Variants in PLK5 observed in about 807,000 individuals in gnomAD.
PLK5 encodes inactive serine/threonine-protein kinase PLK5.
Under a neutral mutation model 33.7 loss-of-function variants are expected in PLK5, and 28 were observed. The observed-to-expected ratio is 0.83, with a 90% CI of 0.62 to 1.14. PLK5 has a LOEUF of 1.14. Ranked by LOEUF, PLK5 falls within the 50% of genes most tolerant of loss-of-function variation. The pLI is 0.00. For synonymous variants in PLK5, 225 were observed against 202.2 expected, an observed-to-expected ratio of 1.11 and a Z score of -0.96; for missense variants, 492 against 461.5, an observed-to-expected ratio of 1.07 and a Z score of -0.61.
At position 1,529,815 on chromosome 19, in the gene PLK5, G is replaced by A; in HGVS notation, c.559G>A (p.Gly187Ser). ...LRHLQLCLDV[G>S]PPATQDPLGE... ...ACACCTGCAGCTGTGCCTGGATGTA[G>A]GCCCCCCGGGTAGGAGCCGGCCCAG... The change falls in exon 11 of 14, where the codon GGC becomes AGC. Residue 187 changes from glycine to serine, a missense_variant. Gly to Ser is a moderately conservative substitution (Grantham distance 56, BLOSUM62 0). Coordinates refer to ENST00000454744, the MANE Select transcript of PLK5 (RefSeq NM_001243079.2). 1.3e-6 allele frequency: 2 copies of A among 1,535,798 alleles called. No individual in the cohort carries two copies. Among genetic ancestry groups the A allele is most frequent in the Non-Finnish European group, 1.7e-6 (2 of 1,146,812 alleles).
chr19:1,531,045 C>G (rs1043684038), intron 11 of PLK5, among the ~76,000 whole-genome samples: 20 of 151,472 alleles, frequency 1.3e-4, no homozygotes. Context: ...GAGCTGAGAT[C>G]GTGCCACTGC....
chr19:1,531,556 C>T (rs76898865), intron 11 of PLK5, among the ~76,000 whole-genome samples, 182 bp from the exon 12 acceptor site: 2,352 of 152,308 alleles, frequency 0.015, 61 homozygotes, highest in African/African-American at 0.054. Flanking sequence ...AAATTAGTTA[C>T]GGTTCCGTGG....
chr19:1,531,705 C>G (rs1469117232), intron 11 of PLK5, 33 bp from the exon 12 acceptor site: 5 of 1,534,642 alleles, frequency 3.3e-6, no homozygotes, highest in Non-Finnish European at 4.4e-6. Flanking sequence ...TGACCCCTGA[C>G]CCCTGGCTCA....
chr19:1,527,568 C>G (rs1263393875), intron 6 of PLK5, among the ~76,000 whole-genome samples: 1 of 151,730 alleles, frequency 6.6e-6, no homozygotes, highest in Non-Finnish European at 1.5e-5. Context: ...CACAACGGCA[C>G]TCCAGCCTGG....
rs775333704 is a variant in PLK5, at chr19:1,531,835, C to CG, written c.672dup (p.Arg225AlafsTer38). 37 of 1,532,324 alleles carry CG rather than the reference C, an allele frequency of 2.4e-5. No homozygotes were observed. Among genetic ancestry groups the CG allele is most frequent in the Non-Finnish European group, 2.5e-5 (29 of 1,145,294 alleles). The allele number at this position is 1,532,324 out of a possible 1,614,324, so 94.9% of individuals were successfully genotyped here. ...ACGGCTTTGGCTACCAGCTCTTGGA[C>CG]GGGGGGCGCACGGGACGGCACCCAC... On this transcript the variant is annotated frameshift_variant, in exon 12 of 14. Transcript: ENST00000454744. LOFTEE classifies it high-confidence loss of function.
At position 1,529,291 on chromosome 19, in the gene PLK5, C is replaced by T. The variant is rs116076618; in HGVS notation, c.406-115C>T. 2,425 of 905,152 alleles carry T rather than the reference C, an allele frequency of 2.7e-3. 33 individuals are homozygous for T. The highest frequency in any genetic ancestry group is 0.023 in the African/African-American group (1,409 of 60,072). 56.1% of individuals were successfully genotyped at this position (905,152 alleles called of 1,614,324 possible). A position where few individuals can be genotyped will look rare whatever the true frequency, so the allele number is the denominator to read the frequency against. On this transcript the variant is annotated intron_variant, in intron 9 of 13. Coordinates refer to ENST00000454744, the MANE Select transcript of PLK5 (RefSeq NM_001243079.2). The stretch of plus-strand genomic sequence containing the variant: ...GCTGCCTCCCAAGGGGAAAGCAGTG[C>T]CTCTGTGTGCAGAGCACGGAGGGCA...
In PLK5 at chr19:1,536,000, T is replaced by C. The variant is rs577899242; in HGVS notation, c.*750T>C. 1 of 152,700 alleles carries C rather than the reference T, an allele frequency of 6.5e-6. No homozygotes were observed. Among genetic ancestry groups the C allele is most frequent in the Non-Finnish European group, 1.5e-5 (1 of 68,326 alleles). 9.5% of individuals were successfully genotyped at this position (152,700 alleles called of 1,614,324 possible). ...CTGAGGCTGGAAAGATGGCTGGCTA[T>C]GCTCCGGGACACAGTTGGCACAACC... On this transcript the variant is annotated 3_prime_UTR_variant, in exon 14 of 14. Coordinates refer to ENST00000454744, the MANE Select transcript of PLK5 (RefSeq NM_001243079.2).
chr19:1,529,365 T>TGGGGCC (rs745710602), intron 9 of PLK5, 41 bp from the exon 10 acceptor site: 4 of 1,498,538 alleles, frequency 2.7e-6, no homozygotes, highest in Non-Finnish European at 2.7e-6. Context: ...TCCCTGGGGC[T>TGGGGCC]GGGGCCGGGG....
In PLK5 at chr19:1,524,621, GTGTGT is replaced by G. The variant is rs1913683467; in HGVS notation, c.-544+376_-544+380del. Among the ~76,000 whole-genome samples the G allele has an allele frequency of 7.1e-6, 1 of 140,886 alleles. No homozygotes were observed. The highest frequency in any genetic ancestry group is 2.8e-5 in the African/African-American group (1 of 35,684). The allele number at this position is 140,886 out of a possible 152,430, so 92.4% of individuals were successfully genotyped here. A position where few individuals can be genotyped will look rare whatever the true frequency, so the allele number is the denominator to read the frequency against. Reference sequence around the variant, plus strand: ...TGTTCGTGTGTGTGTGTGTGTGTGTGTGTGTGTGTGTCTGGGTGTTGTGTTGCTTG... The same window carrying G: ...TGTTCGTGTGTGTGTGTGTGTGTGTGGTGTGTCTGGGTGTTGTGTTGCTTG... On this transcript the variant is annotated intron_variant, in intron 1 of 13. Transcript: ENST00000454744. This position sits in a 1 kb window ranked among gnomAD's most constrained non-coding sequence, Gnocchi z 4.5.
Position 1,528,048 on chromosome 19 carries a change from C to G in PLK5, c.115C>G (p.Arg39Gly). 1 of 1,536,110 alleles carries G rather than the reference C, an allele frequency of 6.5e-7. No homozygotes were observed. Among genetic ancestry groups the G allele is most frequent in the South Asian group, 1.2e-5 (1 of 84,060 alleles). The change falls in exon 7 of 14, where the codon CGC becomes GGC. Residue 39 changes from arginine to glycine, a missense_variant. Transcript: ENST00000454744. The stretch of plus-strand genomic sequence containing the variant: ...ACCCGCTCACCTGTCTGCCAATGCG[C>G]GCCGCCTCATCGTGCACCTCCTAGC... The part of the protein sequence containing the change: ...PEPAHLSANA[R>G]RLIVHLLAPN...
chr19:1,529,673 G>A, intron 10 of PLK5, 74 bp from the exon 11 acceptor site: 1 of 1,461,524 alleles, frequency 6.8e-7, no homozygotes, highest in Admixed American at 2.0e-5. Flanking sequence ...GGAGCCGTGG[G>A]GAGGGGGACT....
At chr19:1,526,145 C>T (rs1735872854) in intron 3 of PLK5, among the ~76,000 whole-genome samples, 1 of 152,210 alleles carries the variant, frequency 6.6e-6, no homozygotes, top group African/African-American at 2.4e-5. Flanking sequence ...CCTGAGCCCA[C>T]CTGGGTCCAC....
At position 1,524,738 on chromosome 19, in the gene PLK5, T is replaced by A. The variant is rs1913688132; in HGVS notation, c.-544+492T>A. ...GTTGTGTGTTCATGTGGTGTGCTTGTGTGTTTGTGTGTTCATATGTGGTGT... is the reference window on the plus strand; with the variant it reads ...GTTGTGTGTTCATGTGGTGTGCTTGAGTGTTTGTGTGTTCATATGTGGTGT... On this transcript the variant is annotated intron_variant, in intron 1 of 13. Coordinates refer to ENST00000454744, the MANE Select transcript of PLK5 (RefSeq NM_001243079.2). The surrounding 1 kb of genome is among the most constrained non-coding windows in gnomAD (Gnocchi z 4.5). Among the ~76,000 whole-genome samples, 1 of 132,538 alleles carries A rather than the reference T, an allele frequency of 7.5e-6. No individual in the cohort carries two copies. The highest frequency in any genetic ancestry group is 1.7e-5 in the Non-Finnish European group (1 of 58,546). 87.0% of individuals were successfully genotyped at this position (132,538 alleles called of 152,430 possible). A position where few individuals can be genotyped will look rare whatever the true frequency, so the allele number is the denominator to read the frequency against.
chr19:1,529,585 GC>G, intron 10 of PLK5, 95 bp downstream of exon 10: 1 of 1,436,982 alleles, frequency 7.0e-7, no homozygotes, highest in East Asian at 2.5e-5. Context: ...CAGGGTCACA[GC>G]CGCCGTCCCG....
chr19:1,535,205 C>T lies in PLK5; in HGVS notation c.966C>T (p.Thr322=), dbSNP rs754137222. The change falls in exon 14 of 14, where the codon ACC becomes ACT. Residue 322 remains threonine (T), a synonymous_variant. Coordinates refer to ENST00000454744, the MANE Select transcript of PLK5 (RefSeq NM_001243079.2). ...VPRSHGCAPT[T]GQHLHHALRM... ...GGAGCCACGGCTGCGCCCCCACCACCGGACAGCACCTTCACCACGCCCTCC... is the reference window on the plus strand; with the variant it reads ...GGAGCCACGGCTGCGCCCCCACCACTGGACAGCACCTTCACCACGCCCTCC... 7.8e-6 allele frequency: 12 copies of T among 1,534,810 alleles called. No homozygotes were observed. The highest frequency in any genetic ancestry group is 3.3e-4 in the Middle Eastern group (2 of 5,988).
At chr19:1,534,922 C>G (rs556793385) in intron 13 of PLK5, 143 bp from the exon 14 acceptor site, 2 of 755,556 alleles carry the variant, frequency 2.6e-6, no homozygotes, top group South Asian at 4.0e-5. Context: ...CCTCCCGACC[C>G]CGAGTTCCTG....
rs961816241 is a variant in PLK5, at chr19:1,527,960, A to C, written c.27A>C (p.Pro9=). The change falls in exon 7 of 14, where the codon CCA becomes CCC. Residue 9 remains proline (P), a synonymous_variant. Transcript: ENST00000454744. MYTVLTGT[P]PFMASPLSEM... ...GGTACACGGTGCTGACTGGCACCCC[A>C]CCCTTCATGGCCTCACCCCTGTCGG... 1.0e-5 allele frequency: 16 copies of C among 1,535,154 alleles called. No individual in the cohort carries two copies. The African/African-American group carries it at 2.2e-4, about 21-fold the overall frequency.
intron 4 of PLK5, 27 bp from the exon 5 acceptor site, chr19:1,526,677 C>G (rs1157401289): frequency 2.3e-6 from 1 of 438,006 alleles, no homozygotes; most frequent in African/African-American, 2.0e-5. Context: ...GATCCACCCC[C>G]ATGCGCAATG....
chr19:1,533,840 C>A, intron 12 of PLK5, 91 bp from the exon 13 acceptor site: 1 of 968,238 alleles, frequency 1.0e-6, no homozygotes, highest in Non-Finnish European at 1.5e-6. Context: ...GCGGCGGCGG[C>A]TGCGGGAGGT....
Sources: allele counts gnomAD v4.1 joint callset (sites outside exome capture counted in the v4.1 genomes callset), GRCh38; gene constraint gnomAD v4.1.1; non-coding constraint Gnocchi (gnomAD v3.1); transcripts MANE v1.5; gene names NCBI Gene and HGNC (gene_info 2026-07-23, HGNC 2026-07-21).